PDE12: variants seen among roughly 807,000 people sequenced by gnomAD.
PDE12 encodes phosphodiesterase 12.
A neutral mutation model predicts 45.4 loss-of-function variants in PDE12; 26 were observed. That is an observed-to-expected ratio of 0.57 (90% CI 0.42 to 0.79). The LOEUF (loss-of-function observed/expected upper bound fraction) is 0.79. PDE12 is among the 30% of genes least tolerant of loss of function. The pLI, the probability that PDE12 is intolerant of heterozygous loss-of-function variation, is 0.00. For missense variants in PDE12, 668 were observed against 790.0 expected (o/e 0.85, Z 1.85); for synonymous variants, 283 against 323.9 (o/e 0.87, Z 1.36).
chr3:57,557,727 T>C, intron 1 of PDE12, 40 bp downstream of exon 1: 1 of 1,554,142 alleles, frequency 6.4e-7, no homozygotes. Flanking sequence ...ACTGTCCCAC[T>C]TTTAGGGGCC....
chr3:57,652,209 G>C, the PDE12 span, among the ~76,000 whole-genome samples: 3 of 152,124 alleles, frequency 2.0e-5, no homozygotes, highest in South Asian at 6.2e-4. Flanking sequence ...AACTTTGAAG[G>C]CTGAGTCATA....
At chr3:57,622,715 G>A in the PDE12 span, among the ~76,000 whole-genome samples, 1 of 152,082 alleles carries the variant, frequency 6.6e-6, no homozygotes, top group African/African-American at 2.4e-5. Flanking sequence ...GGTAAAAAAT[G>A]TGTTATACCC....
the PDE12 span, among the ~76,000 whole-genome samples, chr3:57,641,036 G>GT: frequency 1.3e-5 from 2 of 151,576 alleles, no homozygotes; most frequent in East Asian, 3.9e-4. Flanking sequence ...ACCTAGCTGT[G>GT]TATTTTGTGA....
the PDE12 span, among the ~76,000 whole-genome samples, chr3:57,632,994 A>C: frequency 1.3e-5 from 2 of 152,196 alleles, no homozygotes; most frequent in Non-Finnish European, 2.9e-5. Context: ...GATTCACAAC[A>C]GTCTTGAAAA....
the PDE12 span, among the ~76,000 whole-genome samples, chr3:57,613,440 C>T: frequency 6.6e-6 from 1 of 151,630 alleles, no homozygotes; most frequent in Non-Finnish European, 1.5e-5. Flanking sequence ...ATTACAAGCG[C>T]CTGCCACCGC....
At chr3:57,578,890 A>AGG in the PDE12 span, among the ~76,000 whole-genome samples, 13 of 150,282 alleles carry the variant, frequency 8.7e-5, no homozygotes, top group South Asian at 6.3e-4. Context: ...CAGCTAGAAA[A>AGG]GGGGGGGGGC....
chr3:57,641,139 C>G, the PDE12 span, among the ~76,000 whole-genome samples: 1 of 145,726 alleles, frequency 6.9e-6, no homozygotes, highest in South Asian at 2.1e-4. Flanking sequence ...ATAGAAAGTT[C>G]TGTTTTATTG....
downstream of PDE12, among the ~76,000 whole-genome samples, chr3:57,567,341 T>C (rs2069795281): frequency 6.6e-6 from 1 of 151,878 alleles, no homozygotes; most frequent in African/African-American, 2.4e-5. Flanking sequence ...AAATGTATCA[T>C]TTGAACAATA....
chr3:57,568,177 A>G (rs2069803602), downstream of PDE12, among the ~76,000 whole-genome samples: 2 of 151,862 alleles, frequency 1.3e-5, no homozygotes, highest in Non-Finnish European at 2.9e-5. Flanking sequence ...ATTTAATTAA[A>G]TTTGGGCAAG....
At chr3:57,602,874 CA>C in the PDE12 span, among the ~76,000 whole-genome samples, 1 of 152,064 alleles carries the variant, frequency 6.6e-6, no homozygotes, top group African/African-American at 2.4e-5. Flanking sequence ...TCCGGCCTAC[CA>C]TTTAGCATTT....
chr3:57,607,033 C>A, the PDE12 span, among the ~76,000 whole-genome samples: 50 of 152,252 alleles, frequency 3.3e-4, 2 homozygotes, highest in East Asian at 9.7e-3. Flanking sequence ...AGCCGGGTAC[C>A]CCTCTGAGAC....
At chr3:57,599,698 A>G in the PDE12 span, among the ~76,000 whole-genome samples, 1 of 152,296 alleles carries the variant, frequency 6.6e-6, no homozygotes, top group African/African-American at 2.4e-5. Context: ...AAATTACAAA[A>G]CAGGATGTTA....
At chr3:57,629,804 G>A in the PDE12 span, among the ~76,000 whole-genome samples, 56 of 151,886 alleles carry the variant, frequency 3.7e-4, no homozygotes, top group African/African-American at 1.2e-3. Context: ...TTACAGGCGT[G>A]AGCCACTGCA....
At chr3:57,593,625 C>T in the PDE12 span, among the ~76,000 whole-genome samples, 1 of 152,166 alleles carries the variant, frequency 6.6e-6, no homozygotes, top group Admixed American at 6.5e-5. Context: ...GTAAAGAGAT[C>T]AGAATTAGTA....
At chr3:57,583,412 A>G in the PDE12 span, among the ~76,000 whole-genome samples, 4 of 152,192 alleles carry the variant, frequency 2.6e-5, no homozygotes, top group East Asian at 7.7e-4. Flanking sequence ...CAGGATCACT[A>G]AAGTCTCTTC....
the PDE12 span, among the ~76,000 whole-genome samples, chr3:57,650,596 G>C: frequency 2.6e-5 from 4 of 152,018 alleles, no homozygotes; most frequent in Admixed American, 6.6e-5. Context: ...TAGAGAAATG[G>C]CTGGTTCTAG....
At chr3:57,601,340 C>T in the PDE12 span, among the ~76,000 whole-genome samples, 1 of 152,192 alleles carries the variant, frequency 6.6e-6, no homozygotes, top group Non-Finnish European at 1.5e-5. Flanking sequence ...GAACTCCTGA[C>T]CTAGGTGGTC....
the PDE12 span, chr3:57,572,221 T>G: frequency 6.2e-7 from 1 of 1,613,876 alleles, no homozygotes; most frequent in Non-Finnish European, 8.5e-7. Flanking sequence ...TTTAACGTTT[T>G]GAAAGCTCAT....
At chr3:57,611,323 G>A in the PDE12 span, among the ~76,000 whole-genome samples, 10 of 152,098 alleles carry the variant, frequency 6.6e-5, no homozygotes, top group African/African-American at 2.4e-4. Context: ...ATAGGCATGG[G>A]CAAGGACTTC....
Sources: gnomAD v4.1 joint callset for allele counts (sites outside exome capture counted in the v4.1 genomes callset) on GRCh38, gnomAD v4.1.1 for gene constraint, MANE v1.5 for transcripts, NCBI Gene and HGNC (gene_info 2026-07-23, HGNC 2026-07-21) for gene names.